The following TAFA1 variants were observed in gnomAD, a reference collection of about 807,000 sequenced individuals.
TAFA1 encodes the protein chemokine-like protein TAFA-1.
TAFA1 carries 4 observed loss-of-function variants against 18.5 expected under a neutral mutation model. The observed-to-expected ratio is 0.22, with a 90% CI of 0.11 to 0.49. TAFA1 has a LOEUF of 0.49. Among genes scored for constraint, TAFA1 ranks in the 20% least tolerant of loss-of-function variants. The pLI, the probability that TAFA1 is intolerant of heterozygous loss-of-function variation, is 0.98. For missense variants in TAFA1, 147 were observed against 169.0 expected (o/e 0.87, Z 0.72); for synonymous variants, 56 against 55.2 (o/e 1.01, Z -0.06).
intron 2 of TAFA1, among the ~76,000 whole-genome samples, chr3:68,286,803 G>A (rs1200945420): frequency 6.6e-6 from 1 of 152,154 alleles, no homozygotes; most frequent in Non-Finnish European, 1.5e-5. Flanking sequence ...AACTAGAAGG[G>A]TAAGAGAGAA....
intron 2 of TAFA1, among the ~76,000 whole-genome samples, chr3:68,377,199 A>T (rs1311801447): frequency 6.6e-6 from 1 of 152,188 alleles, no homozygotes; most frequent in Admixed American, 6.6e-5. Flanking sequence ...TATGGAAGCA[A>T]CTTTGGAACT....
chr3:68,543,816 C>T (rs1237920949), intron 4 of TAFA1, among the ~76,000 whole-genome samples: 1 of 152,082 alleles, frequency 6.6e-6, no homozygotes. Context: ...TGGATTAAGA[C>T]ATCTACAGCA....
At chr3:68,082,258 A>G (rs1416117351) in intron 2 of TAFA1, among the ~76,000 whole-genome samples, 1 of 152,242 alleles carries the variant, frequency 6.6e-6, no homozygotes, top group Non-Finnish European at 1.5e-5. Flanking sequence ...ATGGAAATGC[A>G]GAAATCACCA....
chr3:68,130,085 T>C (rs754890852), intron 2 of TAFA1, among the ~76,000 whole-genome samples: 1 of 152,128 alleles, frequency 6.6e-6, no homozygotes, highest in Non-Finnish European at 1.5e-5. Context: ...TATTAATTAA[T>C]TAACTTCTCA....
chr3:68,112,359 G>A (rs1011925327), intron 2 of TAFA1, among the ~76,000 whole-genome samples: 3 of 152,058 alleles, frequency 2.0e-5, no homozygotes, highest in Non-Finnish European at 2.9e-5. Context: ...TAATTTTTAA[G>A]GGTAATGTGC....
intron 3 of TAFA1, among the ~76,000 whole-genome samples, chr3:68,444,313 A>G (rs529208906): frequency 1.3e-5 from 2 of 152,224 alleles, no homozygotes; most frequent in African/African-American, 4.8e-5. Context: ...TTTCTCCCAT[A>G]AGTTATACCT....
In TAFA1 at chr3:68,244,794, A is replaced by G. The variant is rs146540882; in HGVS notation, c.119-172486A>G. Among the ~76,000 whole-genome samples, 726 of 152,310 alleles carry G rather than the reference A, an allele frequency of 4.8e-3. 4 individuals carry two copies. The highest frequency in any genetic ancestry group is 0.017 in the African/African-American group (693 of 41,566). On this transcript the variant is annotated intron_variant, in intron 2 of 4. Coordinates refer to ENST00000478136, the MANE Select transcript of TAFA1 (RefSeq NM_213609.4). Reference sequence around the variant, plus strand: ...GCATATTTCTAAGCACATTCCCTGCATTATTAACTGATTATTATTTGCAGA... The same window carrying G: ...GCATATTTCTAAGCACATTCCCTGCGTTATTAACTGATTATTATTTGCAGA...
chr3:68,116,579 T>A (rs2106848390), intron 2 of TAFA1, among the ~76,000 whole-genome samples: 1 of 152,332 alleles, frequency 6.6e-6, no homozygotes, highest in South Asian at 2.1e-4. Flanking sequence ...AGGTCTCACC[T>A]GGAGAACTTT....
intron 2 of TAFA1, among the ~76,000 whole-genome samples, chr3:68,024,973 C>G (rs1022912289): frequency 6.6e-5 from 10 of 152,138 alleles, no homozygotes; most frequent in Non-Finnish European, 1.2e-4. Flanking sequence ...TGTTGATTCA[C>G]TGGTTGGATT....
intron 2 of TAFA1, among the ~76,000 whole-genome samples, chr3:68,315,342 C>T (rs1292445609): frequency 6.6e-6 from 1 of 152,144 alleles, no homozygotes; most frequent in Non-Finnish European, 1.5e-5. Flanking sequence ...GGAAGGACAT[C>T]ATGTCCTCTC....
intron 2 of TAFA1, among the ~76,000 whole-genome samples, chr3:68,112,489 C>T (rs1168218852): frequency 6.6e-6 from 1 of 152,018 alleles, no homozygotes; most frequent in East Asian, 1.9e-4. Flanking sequence ...TAATCTAATA[C>T]ATTATATTGG....
At chr3:68,541,611 C>G (rs1182903083) in intron 4 of TAFA1, among the ~76,000 whole-genome samples, 1 of 151,690 alleles carries the variant, frequency 6.6e-6, no homozygotes, top group Non-Finnish European at 1.5e-5. Flanking sequence ...AGAAATTTAC[C>G]TCTTTTGTTC....
intron 3 of TAFA1, among the ~76,000 whole-genome samples, chr3:68,460,996 C>T (rs373001768): frequency 3.3e-5 from 5 of 152,238 alleles, no homozygotes; most frequent in East Asian, 1.9e-4. Flanking sequence ...AATAACCTGG[C>T]CATGGCCAGG....
intron 2 of TAFA1, among the ~76,000 whole-genome samples, chr3:68,150,547 C>T (rs1433569763): frequency 6.6e-6 from 1 of 152,088 alleles, no homozygotes; most frequent in Non-Finnish European, 1.5e-5. Flanking sequence ...GACTCCTTAA[C>T]ATGAGAGCCA....
At chr3:68,402,062 G>A (rs2070504466) in intron 2 of TAFA1, among the ~76,000 whole-genome samples, 1 of 152,162 alleles carries the variant, frequency 6.6e-6, no homozygotes, top group South Asian at 2.1e-4. Context: ...TTCTTGGCAT[G>A]TCAAGAATTT....
chr3:68,072,176 C>T (rs1342326826), intron 2 of TAFA1, among the ~76,000 whole-genome samples: 3 of 152,138 alleles, frequency 2.0e-5, no homozygotes, highest in Admixed American at 6.5e-5. Flanking sequence ...AATCCTTGAA[C>T]TGAGGCTTAC....
chr3:68,110,677 A>G (rs1231502910), intron 2 of TAFA1, among the ~76,000 whole-genome samples: 1 of 152,194 alleles, frequency 6.6e-6, no homozygotes, highest in Non-Finnish European at 1.5e-5. Context: ...TGCATTAAGA[A>G]TGTATTCTGG....
At chr3:68,391,164 T>C (rs1385761846) in intron 2 of TAFA1, among the ~76,000 whole-genome samples, 2 of 152,078 alleles carry the variant, frequency 1.3e-5, no homozygotes, top group Non-Finnish European at 2.9e-5. Context: ...GAGAAGAACA[T>C]AAATGACCTG....
intron 3 of TAFA1, among the ~76,000 whole-genome samples, chr3:68,449,443 A>C (rs892976405): frequency 6.6e-6 from 1 of 152,192 alleles, no homozygotes; most frequent in Non-Finnish European, 1.5e-5. Context: ...GCGAGACCCT[A>C]ATGTCTTCTA....
Sources: allele counts gnomAD v4.1 joint callset (sites outside exome capture counted in the v4.1 genomes callset), GRCh38; gene constraint gnomAD v4.1.1; transcripts MANE v1.5; gene names NCBI Gene and HGNC (gene_info 2026-07-23, HGNC 2026-07-21).